Variants in FOXP2 observed in about 807,000 individuals in gnomAD.
FOXP2 encodes the protein forkhead box P2, also known as forkhead box protein P2.
FOXP2 carries 12 observed loss-of-function variants against 115.8 expected under a neutral mutation model. The ratio of observed to expected loss-of-function variants is 0.10; its 90% confidence interval spans 0.07 to 0.17. The LOEUF is 0.17. Ranked by LOEUF, FOXP2 falls within the 10% of genes least tolerant of loss-of-function variation. The pLI is 1.00. For missense variants in FOXP2, 629 were observed against 843.5 expected, an observed-to-expected ratio of 0.75 and a Z score of 3.15; for synonymous variants, 328 against 297.7, an observed-to-expected ratio of 1.10 and a Z score of -1.05.
intron 3 of FOXP2, among the ~76,000 whole-genome samples, chr7:114,621,661 G>A (rs1254531881): frequency 1.3e-5 from 2 of 151,966 alleles, no homozygotes; most frequent in South Asian, 4.1e-4. Context: ...CGAAGTTGAT[G>A]TTTTCTCATC....
chr7:114,489,604 G>A (rs1343389436), intron 2 of FOXP2, among the ~76,000 whole-genome samples: 1 of 151,798 alleles, frequency 6.6e-6, no homozygotes, highest in Non-Finnish European at 1.5e-5. Flanking sequence ...TTGGGAGTGA[G>A]AGTAGCAGAA....
chr7:114,589,193 G>A (rs943156263), intron 3 of FOXP2, among the ~76,000 whole-genome samples: 1 of 151,616 alleles, frequency 6.6e-6, no homozygotes. Context: ...TTCATCTCTC[G>A]CCACTTGTTA....
intron 1 of FOXP2, among the ~76,000 whole-genome samples, chr7:114,108,521 A>C (rs1051989685): frequency 2.0e-5 from 3 of 151,922 alleles, no homozygotes; most frequent in Non-Finnish European, 4.4e-5. Context: ...AACTGCCATT[A>C]GACCTAATTA....
At chr7:114,288,694 T>G (rs1796522098) in intron 2 of FOXP2, among the ~76,000 whole-genome samples, 1 of 151,826 alleles carries the variant, frequency 6.6e-6, no homozygotes, top group Non-Finnish European at 1.5e-5. Flanking sequence ...ATATGTACAA[T>G]GTTAACATAT....
At chr7:114,328,385 C>T (rs980482192) in intron 2 of FOXP2, among the ~76,000 whole-genome samples, 6 of 151,744 alleles carry the variant, frequency 4.0e-5, no homozygotes, top group Non-Finnish European at 7.4e-5. Flanking sequence ...TACAGGTGCC[C>T]GCCACCACGC....
intron 16 of FOXP2, among the ~76,000 whole-genome samples, chr7:114,673,656 G>A (rs558167123): frequency 6.6e-6 from 1 of 152,180 alleles, no homozygotes; most frequent in African/African-American, 2.4e-5. Context: ...ATAAAATTAT[G>A]TTTCACTGAC....
At chr7:114,597,088 T>G (rs554530103) in intron 3 of FOXP2, among the ~76,000 whole-genome samples, 1 of 152,236 alleles carries the variant, frequency 6.6e-6, no homozygotes, top group East Asian at 1.9e-4. Flanking sequence ...ATGCTCATTT[T>G]TTATGATGTA....
chr7:114,581,106 C>A (rs957266717), intron 3 of FOXP2, among the ~76,000 whole-genome samples: 6 of 151,226 alleles, frequency 4.0e-5, no homozygotes, highest in African/African-American at 1.5e-4. Flanking sequence ...CACACACACA[C>A]AAGCACACGG....
At chr7:114,654,582 G>T (rs1053303755) in intron 10 of FOXP2, among the ~76,000 whole-genome samples, 2 of 152,010 alleles carry the variant, frequency 1.3e-5, no homozygotes, top group African/African-American at 4.8e-5. Flanking sequence ...AAAAGAAGTG[G>T]GTGATTATAG....
At chr7:114,674,736 A>T (rs1262924537) in intron 16 of FOXP2, among the ~76,000 whole-genome samples, 1 of 152,132 alleles carries the variant, frequency 6.6e-6, no homozygotes, top group African/African-American at 2.4e-5. Flanking sequence ...CAGTCCTATA[A>T]ATAAGAGAGC....
chr7:114,321,200 T>TTTATTTAC (rs1431727445), intron 2 of FOXP2, among the ~76,000 whole-genome samples: 1 of 150,746 alleles, frequency 6.6e-6, no homozygotes, highest in Admixed American at 6.6e-5. Context: ...TATTTATTTA[T>TTTATTTAC]TTATTTATTT....
intron 2 of FOXP2, among the ~76,000 whole-genome samples, chr7:114,302,483 A>T (rs146164582): frequency 1.3e-5 from 2 of 152,320 alleles, no homozygotes; most frequent in East Asian, 3.9e-4. Flanking sequence ...ACTATCATTT[A>T]TTCCATTTTA....
intron 1 of FOXP2, among the ~76,000 whole-genome samples, chr7:114,102,607 C>A (rs991817793): frequency 1.3e-5 from 2 of 149,654 alleles, no homozygotes; most frequent in Admixed American, 6.7e-5. Flanking sequence ...AAAAAAAAAA[C>A]CCATTCTTAC....
chr7:114,615,616 T>G (rs1803900459), intron 3 of FOXP2, among the ~76,000 whole-genome samples: 1 of 152,212 alleles, frequency 6.6e-6, no homozygotes, highest in South Asian at 2.1e-4. Flanking sequence ...CACTGTGCCT[T>G]CAAATTACAG....
intron 1 of FOXP2, among the ~76,000 whole-genome samples, chr7:114,239,694 C>T (rs1412429319): frequency 6.6e-6 from 1 of 152,100 alleles, no homozygotes; most frequent in African/African-American, 2.4e-5. Context: ...TAAAAGATAA[C>T]ATGTTACCAT....
chr7:114,248,153 G>A (rs755382992), intron 1 of FOXP2, among the ~76,000 whole-genome samples: 7 of 151,152 alleles, frequency 4.6e-5, no homozygotes, highest in Admixed American at 4.6e-4. Flanking sequence ...CTGAAGGCAG[G>A]AGAAGACCAG....
At chr7:114,310,046 A>C (rs1797109715) in intron 2 of FOXP2, among the ~76,000 whole-genome samples, 1 of 152,148 alleles carries the variant, frequency 6.6e-6, no homozygotes, top group Non-Finnish European at 1.5e-5. Context: ...TCCAAGATAT[A>C]GTAAAAATGT....
chr7:114,297,334 G>T, intron 2 of FOXP2: 1 of 606,086 alleles, frequency 1.6e-6, no homozygotes, highest in Non-Finnish European at 3.0e-6. Context: ...TTGGTCAGGC[G>T]CCCGTGGTGG....
chr7:114,513,093 AAAC>A (rs1798158297), intron 2 of FOXP2, among the ~76,000 whole-genome samples: 1 of 152,104 alleles, frequency 6.6e-6, no homozygotes, highest in African/African-American at 2.4e-5. Flanking sequence ...AAAACAAAAC[AAAC>A]AACAACAACA....
Sources: gnomAD v4.1 joint callset for allele counts (sites outside exome capture counted in the v4.1 genomes callset) on GRCh38, gnomAD v4.1.1 for gene constraint, MANE v1.5 for transcripts, NCBI Gene and HGNC (gene_info 2026-07-23, HGNC 2026-07-21) for gene names.